CFAP61: variants seen among roughly 807,000 people sequenced by gnomAD.
CFAP61 encodes the protein cilia- and flagella-associated protein 61.
Under a neutral mutation model 135.6 loss-of-function variants are expected in CFAP61, and 107 were observed. The observed-to-expected ratio is 0.79, with a 90% CI of 0.67 to 0.93. The LOEUF (loss-of-function observed/expected upper bound fraction) is 0.93. Among genes scored for constraint, CFAP61 ranks in the 40% least tolerant of loss-of-function variants. The pLI is 0.00. For synonymous variants in CFAP61, 575 were observed against 578.5 expected, an observed-to-expected ratio of 0.99 and a Z score of 0.09; for missense variants, 1,507 against 1,556.2, an observed-to-expected ratio of 0.97 and a Z score of 0.53.
Position 20,290,317 on chromosome 20 carries a change from T to G in CFAP61, c.3142T>G (p.Ser1048Ala). ...TCTTCTAGGGGGCATTCTTCCTGGG[T>G]CTTACCATTATCTGCATATTGCCAA... is the stretch of plus-strand genomic sequence containing the variant. ...AKIQGGILPG[S>A]YHYLHIAKPA... The change falls in exon 24 of 27, where the codon TCT becomes GCT. Residue 1048 changes from serine to alanine, a missense_variant. Physicochemically the swap from Ser to Ala is moderately conservative, Grantham distance 99. Transcript: ENST00000245957. 2 of 1,613,006 alleles carry G rather than the reference T, an allele frequency of 1.2e-6. No individual in the cohort carries two copies. Among genetic ancestry groups the G allele is most frequent in the Non-Finnish European group, 1.7e-6 (2 of 1,178,892 alleles).
intron 13 of CFAP61, among the ~76,000 whole-genome samples, chr20:20,183,782 G>A (rs1165233704): frequency 1.3e-5 from 2 of 152,108 alleles, no homozygotes; most frequent in Non-Finnish European, 2.9e-5. Context: ...TATTCTTACA[G>A]CACATCTCAA....
At chr20:20,065,109 A>G (rs993404839) in intron 2 of CFAP61, among the ~76,000 whole-genome samples, 1 of 152,204 alleles carries the variant, frequency 6.6e-6, no homozygotes, top group Non-Finnish European at 1.5e-5. Flanking sequence ...CGTTATTCAC[A>G]TGGGAAAGAA....
Position 20,085,149 on chromosome 20 carries a change from G to C in CFAP61, c.567-5695G>C, listed in dbSNP as rs6046608. ...CTTCATCGCCACTGGAACACTGTGC[G>C]GCCTGTCAGTGCCAGGGCATGTGAC... On this transcript the variant is annotated intron_variant, in intron 6 of 26. Transcript: ENST00000245957. 3 of 985,244 alleles carry C rather than the reference G, an allele frequency of 3.0e-6. No homozygotes were observed. In the African/African-American group the frequency reaches 5.2e-5, roughly 17 times the overall value. The allele number at this position is 985,244 out of a possible 1,614,324, so 61.0% of individuals were successfully genotyped here.
At chr20:20,075,061 G>C in intron 4 of CFAP61, 128 bp from the exon 5 acceptor site, 1 of 812,242 alleles carries the variant, frequency 1.2e-6, no homozygotes, top group Non-Finnish European at 2.1e-6. Flanking sequence ...TTGCAGGTGG[G>C]GAGCAAAGGA....
rs1568778987 is a variant in CFAP61 at position 20,054,015 on chromosome 20, T to TTTGTTTTTG, written c.-37+1426_-37+1427insGTTTTTGTT. 4.8e-3 allele frequency among the ~76,000 whole-genome samples: 505 copies of TTTGTTTTTG among 105,570 alleles called. 1 individual carries two copies. The highest frequency in any genetic ancestry group is 0.019 in the African/African-American group (481 of 24,742). 69.3% of individuals were successfully genotyped at this position (105,570 alleles called of 152,430 possible). On this transcript the variant is annotated intron_variant, in intron 1 of 26. Coordinates refer to ENST00000245957, the MANE Select transcript of CFAP61 (RefSeq NM_015585.4). ...CTCTGTGTGTGTTTTTTTTGTTTGT[T>TTTGTTTTTG]TTTTTTTTTTTTTTTTTTTAGGAAA...
At chr20:20,296,000 TCCTTCCTTCCCTC>T (rs2055406883) in intron 24 of CFAP61, among the ~76,000 whole-genome samples, 1 of 98,494 alleles carries the variant, frequency 1.0e-5, no homozygotes, top group African/African-American at 3.7e-5. Context: ...CCTCCTTCCT[TCCTTCCTTCCCTC>T]CTTTCCTTCC....
intron 9 of CFAP61, among the ~76,000 whole-genome samples, chr20:20,145,916 C>T (rs2051840165): frequency 2.0e-5 from 3 of 152,298 alleles, no homozygotes; most frequent in African/African-American, 7.2e-5. Context: ...TCAATATGCT[C>T]CTCTCAATAA....
At chr20:20,348,759 A>G (rs2058728161) in intron 26 of CFAP61, among the ~76,000 whole-genome samples, 1 of 150,128 alleles carries the variant, frequency 6.7e-6, no homozygotes, top group African/African-American at 2.4e-5. Flanking sequence ...CAGAAAAAGC[A>G]TTTGACAAAA....
At chr20:20,054,017 T>TG (rs761128007) in intron 1 of CFAP61, among the ~76,000 whole-genome samples, 19,150 of 147,634 alleles carry the variant, frequency 0.13, 1,366 homozygotes, top group East Asian at 0.21. Context: ...TTGTTTGTTT[T>TG]TTTTTTTTTT....
intron 8 of CFAP61, among the ~76,000 whole-genome samples, chr20:20,118,335 TTTC>T (rs1482640281): frequency 6.7e-6 from 1 of 149,352 alleles, no homozygotes; most frequent in East Asian, 2.2e-4. Context: ...TCTCTCTGTC[TTTC>T]TTCTTCTTTT....
intron 8 of CFAP61, among the ~76,000 whole-genome samples, chr20:20,133,570 AG>A (rs1468781945): frequency 6.6e-6 from 1 of 152,226 alleles, no homozygotes; most frequent in Non-Finnish European, 1.5e-5. Context: ...GCCTAAATAC[AG>A]GGAATATGAA....
intron 2 of CFAP61, among the ~76,000 whole-genome samples, chr20:20,060,058 C>T (rs57878625): frequency 1.0e-3 from 135 of 130,756 alleles, no homozygotes; most frequent in African/African-American, 4.0e-3. Context: ...TTAAAAAGAT[C>T]TGAAAAATAA....
In CFAP61 at chr20:20,196,600, A is replaced by G. The variant is rs758437958; in HGVS notation, c.1621A>G (p.Ile541Val). 6 of 1,613,986 alleles carry G rather than the reference A, an allele frequency of 3.7e-6. No individual in the cohort carries two copies. In the East Asian group the frequency reaches 1.1e-4, roughly 30 times the overall value. ...DIEYIRSHYN[I>V]EDFIYFSHHQ... ...TGAGTACATACGGTCCCATTACAAC[A>G]TTGAAGATTTCATCTACTTCAGTCA... Residue 541 changes from isoleucine to valine, a missense_variant, in exon 16 of 27, where the codon ATT (isoleucine) becomes GTT (valine). Transcript: ENST00000245957.
chr20:20,299,558 A>C (rs998363043), intron 25 of CFAP61, among the ~76,000 whole-genome samples: 11 of 152,248 alleles, frequency 7.2e-5, no homozygotes, highest in African/African-American at 2.7e-4. Context: ...ATAGTTTGTC[A>C]GTCCTTGTTT....
At chr20:20,337,277 GAT>G (rs1484699031) in intron 25 of CFAP61, among the ~76,000 whole-genome samples, 2 of 24,426 alleles carry the variant, frequency 8.2e-5, no homozygotes, top group Non-Finnish European at 3.1e-4. Flanking sequence ...TGGGTGGGTG[GAT>G]GGATGGATGG....
intron 6 of CFAP61, among the ~76,000 whole-genome samples, chr20:20,081,900 G>A (rs2146593761): frequency 6.6e-6 from 1 of 152,342 alleles, no homozygotes; most frequent in South Asian, 2.1e-4. Flanking sequence ...TAAGTGGACA[G>A]TAGTGAATTC....
intron 25 of CFAP61, among the ~76,000 whole-genome samples, chr20:20,335,146 T>C (rs1223581929): frequency 6.6e-6 from 1 of 152,216 alleles, no homozygotes; most frequent in Non-Finnish European, 1.5e-5. Flanking sequence ...TCCCACTGGC[T>C]TGGAGGTAGA....
At chr20:20,312,783 A>T (rs1300914564) in intron 25 of CFAP61, among the ~76,000 whole-genome samples, 2 of 152,252 alleles carry the variant, frequency 1.3e-5, no homozygotes, top group Non-Finnish European at 2.9e-5. Flanking sequence ...GCCAGAAAAC[A>T]GTGGAGCAAC....
intron 25 of CFAP61, among the ~76,000 whole-genome samples, chr20:20,329,731 A>G (rs1215467984): frequency 1.3e-5 from 2 of 152,206 alleles, no homozygotes; most frequent in African/African-American, 4.8e-5. Flanking sequence ...AGAGCAGTCA[A>G]ACCACCTGTC....
Sources: gnomAD v4.1 joint callset for allele counts (sites outside exome capture counted in the v4.1 genomes callset) on GRCh38, gnomAD v4.1.1 for gene constraint, MANE v1.5 for transcripts, NCBI Gene and HGNC (gene_info 2026-07-23, HGNC 2026-07-21) for gene names.